CADM2: variants seen among roughly 807,000 people sequenced by gnomAD.
CADM2 encodes the protein immunoglobulin superfamily member 4D.
A neutral mutation model predicts 49.8 loss-of-function variants in CADM2; 12 were observed. That is an observed-to-expected ratio of 0.24 (90% CI 0.15 to 0.39). The LOEUF (loss-of-function observed/expected upper bound fraction) is 0.39, where lower values mean the gene tolerates loss of function less well. Ranked by LOEUF, CADM2 falls within the 10% of genes least tolerant of loss-of-function variation. The probability of loss-of-function intolerance (pLI) is 1.00; values close to 1 mark genes in which losing one functional copy is unlikely to be tolerated. For synonymous variants in CADM2, 214 were observed against 175.4 expected (o/e 1.22, Z -1.74); for missense variants, 378 against 492.3 (o/e 0.77, Z 2.20).
At chr3:85,826,937 GTTACATTCTGA>G (rs1423526389) in intron 3 of CADM2, among the ~76,000 whole-genome samples, 1 of 151,916 alleles carries the variant, frequency 6.6e-6, no homozygotes, top group Non-Finnish European at 1.5e-5. Flanking sequence ...ATATAATGCT[GTTACATTCTGA>G]TTACAAGATA....
At chr3:85,641,893 T>C (rs959331646) in intron 1 of CADM2, among the ~76,000 whole-genome samples, 1 of 151,884 alleles carries the variant, frequency 6.6e-6, no homozygotes, top group Non-Finnish European at 1.5e-5. Flanking sequence ...GTCGCACCAC[T>C]GCACTCCAGC....
chr3:85,096,128 C>A (rs1469489285), intron 1 of CADM2, among the ~76,000 whole-genome samples: 2 of 151,984 alleles, frequency 1.3e-5, no homozygotes, highest in South Asian at 2.1e-4. Flanking sequence ...ATTTATTCTA[C>A]AATACCAGGT....
intron 1 of CADM2, among the ~76,000 whole-genome samples, chr3:85,637,238 A>G (rs1297047072): frequency 6.6e-6 from 1 of 152,218 alleles, no homozygotes; most frequent in African/African-American, 2.4e-5. Context: ...ATGCTTTAAT[A>G]TCAATAATTT....
intron 1 of CADM2, among the ~76,000 whole-genome samples, chr3:85,433,003 C>T (rs1300696503): frequency 6.6e-6 from 1 of 151,956 alleles, no homozygotes; most frequent in African/African-American, 2.4e-5. Context: ...ATTCTAAGCA[C>T]CCATAATAAA....
In CADM2 at chr3:86,072,947, T is replaced by C. The variant is rs999945707; in HGVS notation, c.*6164T>C. 6.6e-6 allele frequency: 1 copy of C among 152,114 alleles called. No homozygotes were observed. Among genetic ancestry groups the C allele is most frequent in the African/African-American group, 2.4e-5 (1 of 41,452 alleles). 9.4% of individuals were successfully genotyped at this position (152,114 alleles called of 1,614,324 possible). A position where few individuals can be genotyped will look rare whatever the true frequency, so the allele number is the denominator to read the frequency against. On this transcript the variant is annotated 3_prime_UTR_variant, in exon 10 of 10. Transcript: ENST00000383699. ...ATTTTAATCTTTTTACAAATTTATTTAACTGTACCTACTGTACTTATTGTA... is the reference window on the plus strand; with the variant it reads ...ATTTTAATCTTTTTACAAATTTATTCAACTGTACCTACTGTACTTATTGTA...
intron 1 of CADM2, among the ~76,000 whole-genome samples, chr3:85,527,682 A>G (rs867519640): frequency 1.2e-4 from 19 of 152,106 alleles, no homozygotes; most frequent in African/African-American, 4.1e-4. Context: ...GGTTGTTTTT[A>G]TAACATAACA....
intron 1 of CADM2, among the ~76,000 whole-genome samples, chr3:85,306,385 T>G (rs950615686): frequency 6.6e-6 from 1 of 151,740 alleles, no homozygotes; most frequent in Non-Finnish European, 1.5e-5. Context: ...ATCAATCTAA[T>G]GAAGGAAATT....
intron 6 of CADM2, among the ~76,000 whole-genome samples, chr3:85,925,239 A>G (rs1719673783): frequency 1.3e-5 from 2 of 152,186 alleles, no homozygotes; most frequent in African/African-American, 2.4e-5. Context: ...TATATAATTT[A>G]TCTAATTTAT....
chr3:85,343,948 A>T (rs1233617423), intron 1 of CADM2, among the ~76,000 whole-genome samples: 1 of 152,238 alleles, frequency 6.6e-6, no homozygotes, highest in East Asian at 1.9e-4. Flanking sequence ...AGACACTGCA[A>T]AGTGCATGAA....
At chr3:85,825,769 G>A (rs547572167) in intron 3 of CADM2, among the ~76,000 whole-genome samples, 212 of 151,960 alleles carry the variant, frequency 1.4e-3, no homozygotes, top group African/African-American at 4.7e-3. Context: ...TAAAAATTTC[G>A]GTAGCTTTTG....
chr3:85,142,014 A>G (rs1291150528), intron 1 of CADM2, among the ~76,000 whole-genome samples: 1 of 152,190 alleles, frequency 6.6e-6, no homozygotes, highest in Non-Finnish European at 1.5e-5. Context: ...AAAACTGACA[A>G]AAAGAACCCA....
chr3:85,334,420 C>G (rs981378049), intron 1 of CADM2, among the ~76,000 whole-genome samples: 1 of 151,554 alleles, frequency 6.6e-6, no homozygotes, highest in African/African-American at 2.4e-5. Context: ...AGACAGCCGT[C>G]GCCAGCTCAG....
At chr3:85,308,310 T>TCCACACACACAC (rs1553707062) in intron 1 of CADM2, among the ~76,000 whole-genome samples, 1 of 143,512 alleles carries the variant, frequency 7.0e-6, no homozygotes, top group Non-Finnish European at 1.5e-5. Context: ...TCTACCTCTC[T>TCCACACACACAC]ACACACACAC....
chr3:85,578,035 C>A (rs2062690962), intron 1 of CADM2, among the ~76,000 whole-genome samples: 1 of 147,656 alleles, frequency 6.8e-6, no homozygotes, highest in African/African-American at 2.5e-5. Context: ...TTCCTTTCTT[C>A]CCCCCCTTTC....
chr3:85,427,325 T>G (rs2036459805), intron 1 of CADM2, among the ~76,000 whole-genome samples: 1 of 151,716 alleles, frequency 6.6e-6, no homozygotes, highest in African/African-American at 2.4e-5. Flanking sequence ...ATGTGGTAGC[T>G]GAATATGTTT....
chr3:85,464,348 T>C (rs1256436480), intron 1 of CADM2, among the ~76,000 whole-genome samples: 1 of 152,190 alleles, frequency 6.6e-6, no homozygotes, highest in Non-Finnish European at 1.5e-5. Context: ...CTTAGAGACA[T>C]TTAATGAAAA....
chr3:85,497,091 T>C (rs1464563606), intron 1 of CADM2, among the ~76,000 whole-genome samples: 1 of 152,160 alleles, frequency 6.6e-6, no homozygotes, highest in East Asian at 1.9e-4. Context: ...TCGATCTGCC[T>C]GTTTTGGCCT....
intron 1 of CADM2, among the ~76,000 whole-genome samples, chr3:85,436,069 T>C (rs907675123): frequency 1.3e-5 from 2 of 152,272 alleles, no homozygotes; most frequent in East Asian, 3.9e-4. Context: ...GTCATTGCTT[T>C]TGGTGTTTTA....
At chr3:85,143,064 A>G (rs1314861955) in intron 1 of CADM2, among the ~76,000 whole-genome samples, 1 of 152,228 alleles carries the variant, frequency 6.6e-6, no homozygotes, top group African/African-American at 2.4e-5. Flanking sequence ...TTATTAATTA[A>G]TGGTAAGCAA....
Sources: gnomAD v4.1 joint callset for allele counts (sites outside exome capture counted in the v4.1 genomes callset) on GRCh38, gnomAD v4.1.1 for gene constraint, MANE v1.5 for transcripts, NCBI Gene and HGNC (gene_info 2026-07-23, HGNC 2026-07-21) for gene names.